DENND5B: variants seen among roughly 807,000 people sequenced by gnomAD.
DENND5B encodes DENN domain-containing protein 5B.
In DENND5B, 34 loss-of-function variants were observed where a neutral mutation model predicts 140.6. The observed-to-expected ratio is 0.24, with a 90% CI of 0.18 to 0.32. The LOEUF (loss-of-function observed/expected upper bound fraction) is 0.32. Among genes scored for constraint, DENND5B ranks in the 10% least tolerant of loss-of-function variants. The pLI is 1.00. For missense variants in DENND5B, 1,142 were observed against 1,560.2 expected (o/e 0.73, Z 4.52); for synonymous variants, 551 against 562.1 (o/e 0.98, Z 0.28).
chr12:31,474,951 C>T (rs1440427545), intron 3 of DENND5B, among the ~76,000 whole-genome samples: 1 of 152,062 alleles, frequency 6.6e-6, no homozygotes, highest in Non-Finnish European at 1.5e-5. Context: ...AATATTGAGA[C>T]AGATAAGGAG....
intron 13 of DENND5B, among the ~76,000 whole-genome samples, chr12:31,413,002 C>T (rs1370965842): frequency 6.6e-6 from 1 of 151,998 alleles, no homozygotes; most frequent in Non-Finnish European, 1.5e-5. Context: ...CTCACTGCAA[C>T]CTCCACCTCC....
chr12:31,398,026 C>T (rs76840798), intron 17 of DENND5B, 149 bp downstream of exon 17: 10,601 of 812,358 alleles, frequency 0.013, 88 homozygotes, highest in East Asian at 0.02. Context: ...CATCTAAACT[C>T]TTCCGGCTTT....
intron 1 of DENND5B, among the ~76,000 whole-genome samples, chr12:31,497,992 GGAAAA>G (rs1218260775): frequency 1.3e-5 from 2 of 150,410 alleles, no homozygotes; most frequent in Non-Finnish European, 3.0e-5. Context: ...AGGAAAGAAA[GGAAAA>G]GAAAAGAAAG....
At chr12:31,403,229 C>T (rs1170126776) in intron 14 of DENND5B, among the ~76,000 whole-genome samples, 2 of 152,084 alleles carry the variant, frequency 1.3e-5, no homozygotes, top group Non-Finnish European at 2.9e-5. Context: ...GTCTATAAAC[C>T]ACAACTTTGA....
At chr12:31,499,612 T>C in intron 1 of DENND5B, 1 of 1,496,664 alleles carries the variant, frequency 6.7e-7, no homozygotes, top group Non-Finnish European at 8.9e-7. Context: ...TTACCTGAAG[T>C]CGTATTTGCA....
At chr12:31,396,749 A>G (rs1941494001) in intron 17 of DENND5B, among the ~76,000 whole-genome samples, 1 of 151,936 alleles carries the variant, frequency 6.6e-6, no homozygotes, top group African/African-American at 2.4e-5. Flanking sequence ...CAGCCTCCTG[A>G]GGAGCTGGGA....
In DENND5B at chr12:31,392,687, G is replaced by C. The variant is rs1202976099; in HGVS notation, c.3266C>G (p.Ala1089Gly). ...SLTGKNNKPN[A>G]GQIQEGIGEA... ...TCCAATTCCTTCTTGTATCTGCCCAGCATTGGGTTCTGTAAAATAATAAAC... is the reference window on the plus strand; with the variant it reads ...TCCAATTCCTTCTTGTATCTGCCCACCATTGGGTTCTGTAAAATAATAAAC... Residue 1089 changes from alanine to glycine, a missense_variant, in exon 18 of 21, where the codon GCT becomes GGT. Ala to Gly is a moderately conservative substitution (Grantham distance 60, BLOSUM62 0). This residue lies in a region of DENND5B where 268 missense variants were observed against 349.2 expected (regional missense o/e 0.77). Transcript: ENST00000389082. 2 of 1,555,482 alleles carry C rather than the reference G, an allele frequency of 1.3e-6. No individual in the cohort carries two copies. The highest frequency in any genetic ancestry group is 4.8e-5 in the East Asian group (2 of 41,896).
intron 11 of DENND5B, among the ~76,000 whole-genome samples, chr12:31,418,147 T>A (rs1281869248): frequency 6.6e-6 from 1 of 152,146 alleles, no homozygotes; most frequent in Non-Finnish European, 1.5e-5. Context: ...TGTGGCGATT[T>A]TGGGAGGGAG....
intron 14 of DENND5B, among the ~76,000 whole-genome samples, chr12:31,404,657 T>G (rs572319681): frequency 2.5e-4 from 38 of 151,874 alleles, no homozygotes; most frequent in Non-Finnish European, 5.1e-4. Context: ...TTTTGACATA[T>G]TGGCCAGGCT....
chr12:31,550,982 G>T (rs1261551970), intron 1 of DENND5B, among the ~76,000 whole-genome samples: 1 of 151,994 alleles, frequency 6.6e-6, no homozygotes. Flanking sequence ...AGATGAGTAG[G>T]TTGCAAAAAT....
Position 31,480,268 on chromosome 12 carries a change from GAAAA to G in DENND5B, c.238-17_238-14del, listed in dbSNP as rs369184034. On this transcript the variant is annotated splice_polypyrimidine_tract_variant and intron_variant, in intron 2 of 20. Coordinates refer to ENST00000389082, the MANE Select transcript of DENND5B (RefSeq NM_144973.4). ...TAGGCATGCACAACTGTGAAAGAAA[GAAAA>G]AAAAAAATCAGAATGCAGTACACAA... is the stretch of plus-strand genomic sequence containing the variant. The G allele has an allele frequency of 2.6e-5, 29 of 1,114,926 alleles. No individual in the cohort carries two copies. Among genetic ancestry groups the G allele is most frequent in the Non-Finnish European group, 3.2e-5 (27 of 851,354 alleles). The allele number at this position is 1,114,926 out of a possible 1,614,324, so 69.1% of individuals were successfully genotyped here.
chr12:31,557,263 A>G (rs1454008244), intron 1 of DENND5B, among the ~76,000 whole-genome samples: 1 of 152,236 alleles, frequency 6.6e-6, no homozygotes, highest in African/African-American at 2.4e-5. Flanking sequence ...ATTAGTAGTT[A>G]TCTCTAAACA....
chr12:31,576,794 G>T (rs1435220318), intron 1 of DENND5B, among the ~76,000 whole-genome samples: 1 of 151,948 alleles, frequency 6.6e-6, no homozygotes, highest in East Asian at 1.9e-4. Flanking sequence ...AGGAGGTTGA[G>T]GCAGGAGGAT....
At position 31,463,982 on chromosome 12, in the gene DENND5B, T is replaced by C. The variant is rs576231160; in HGVS notation, c.905-3601A>G. 3.5e-4 allele frequency among the ~76,000 whole-genome samples: 53 copies of C among 152,286 alleles called. 2 individuals carry two copies. The South Asian group carries it at 0.011, about 30-fold the overall frequency. On this transcript the variant is annotated intron_variant, in intron 3 of 20. Coordinates refer to ENST00000389082, the MANE Select transcript of DENND5B (RefSeq NM_144973.4). ...TGTGCCCAGCCCACACGCTTTTTAA[T>C]AATGCAATTACTCAGCAGAAATAAG...
At chr12:31,461,053 T>C (rs1944996284) in intron 3 of DENND5B, among the ~76,000 whole-genome samples, 1 of 152,200 alleles carries the variant, frequency 6.6e-6, no homozygotes, top group East Asian at 1.9e-4. Flanking sequence ...CATTTTTTTA[T>C]ACATGAATGC....
chr12:31,418,575 T>A, intron 11 of DENND5B, among the ~76,000 whole-genome samples: 1 of 151,820 alleles, frequency 6.6e-6, no homozygotes, highest in East Asian at 1.9e-4. Context: ...ATTATAGGCA[T>A]GAGCCATCAC....
intron 3 of DENND5B, among the ~76,000 whole-genome samples, chr12:31,464,233 G>GT (rs1226749986): frequency 6.6e-6 from 1 of 152,146 alleles, no homozygotes; most frequent in Non-Finnish European, 1.5e-5. Context: ...TCCATATGCA[G>GT]TAAGACCACT....
chr12:31,505,664 C>A (rs76836796), intron 1 of DENND5B, among the ~76,000 whole-genome samples: 1,748 of 152,192 alleles, frequency 0.011, 24 homozygotes, highest in African/African-American at 0.04. Context: ...AAACACACAA[C>A]CCCCAAATCT....
chr12:31,478,493 C>A (rs769460414), intron 3 of DENND5B, among the ~76,000 whole-genome samples: 3 of 152,014 alleles, frequency 2.0e-5, no homozygotes, highest in Non-Finnish European at 4.4e-5. Flanking sequence ...TCATTTGAGC[C>A]TAGGATTTTG....
Sources: gnomAD v4.1 joint callset for allele counts (sites outside exome capture counted in the v4.1 genomes callset) on GRCh38, gnomAD v4.1.1 for gene constraint, gnomAD v4.1.1 regional missense constraint, MANE v1.5 for transcripts, NCBI Gene and HGNC (gene_info 2026-07-23, HGNC 2026-07-21) for gene names.